ALS2: variants seen among roughly 807,000 people sequenced by gnomAD.
The protein encoded by ALS2 is alsin.
Under a neutral mutation model 203.4 loss-of-function variants are expected in ALS2, and 117 were observed. The ratio of observed to expected loss-of-function variants is 0.58; its 90% CI spans 0.50 to 0.67. The LOEUF is 0.67. Among genes scored for constraint, ALS2 ranks in the 30% least tolerant of loss-of-function variants. The pLI is 0.00. For missense variants in ALS2, 1,715 were observed against 1,989.4 expected (o/e 0.86, Z 2.62); for synonymous variants, 718 against 725.9 (o/e 0.99, Z 0.17).
At chr2:201,764,866 G>A (rs1693997841) in intron 3 of ALS2, among the ~76,000 whole-genome samples, 1 of 152,142 alleles carries the variant, frequency 6.6e-6, no homozygotes, top group East Asian at 1.9e-4. Flanking sequence ...TGGTAACTGT[G>A]ACACTTAATA....
Position 201,704,435 on chromosome 2 carries a change from A to G in ALS2, c.4838+19T>C, listed in dbSNP as rs543318613. 6.2e-7 allele frequency: 1 copy of G among 1,613,976 alleles called. No individual in the cohort carries two copies. Among genetic ancestry groups the G allele is most frequent in the East Asian group, 2.2e-5 (1 of 44,838 alleles). ...TTAAAAATAACGACTCACTAATAACAAAGTCATAAAACAGTTACCTGGCCC... is the reference window on the plus strand; with the variant it reads ...TTAAAAATAACGACTCACTAATAACGAAGTCATAAAACAGTTACCTGGCCC... On this transcript the variant is annotated intron_variant, in intron 32 of 33. Coordinates refer to ENST00000264276, the MANE Select transcript of ALS2 (RefSeq NM_020919.4).
intron 15 of ALS2, 121 bp from the exon 16 acceptor site, chr2:201,727,896 T>C: frequency 2.0e-6 from 2 of 978,654 alleles, no homozygotes; most frequent in Non-Finnish European, 3.2e-6. Context: ...CAGAACCCCT[T>C]GAAATAGTTA....
chr2:201,774,646 G>A (rs1285040626), intron 1 of ALS2, among the ~76,000 whole-genome samples: 3 of 149,294 alleles, frequency 2.0e-5, no homozygotes, highest in African/African-American at 7.3e-5. Flanking sequence ...ACTATTTTCT[G>A]GATAAAGTCT....
intron 12 of ALS2, among the ~76,000 whole-genome samples, chr2:201,736,271 C>T (rs868100710): frequency 2.2e-4 from 34 of 152,046 alleles, no homozygotes; most frequent in Admixed American, 1.0e-3. Context: ...AAAGTTACTA[C>T]ATAAGGTTAA....
chr2:201,764,588 C>A (rs758940709), intron 3 of ALS2, among the ~76,000 whole-genome samples: 2 of 151,644 alleles, frequency 1.3e-5, no homozygotes, highest in South Asian at 2.1e-4. Flanking sequence ...GAGCTGAGAT[C>A]GTGCCACCAC....
At chr2:201,754,696 G>A in intron 5 of ALS2, 25 bp from the exon 6 acceptor site, 1 of 1,613,620 alleles carries the variant, frequency 6.2e-7, no homozygotes, top group Non-Finnish European at 8.5e-7. Flanking sequence ...GACGTGGGGT[G>A]AAGGAGTGGG....
At position 201,729,191 on chromosome 2, in the gene ALS2, G is replaced by A. The variant is rs1691384178; in HGVS notation, c.2581-8C>T. 6.2e-7 allele frequency: 1 copy of A among 1,611,992 alleles called. No homozygotes were observed. Among genetic ancestry groups the A allele is most frequent in the Non-Finnish European group, 8.5e-7 (1 of 1,179,244 alleles). On this transcript the variant is annotated splice_polypyrimidine_tract_variant and splice_region_variant and intron_variant, in intron 13 of 33. Coordinates refer to ENST00000264276, the MANE Select transcript of ALS2 (RefSeq NM_020919.4). ...CTGATATTCTGGAGATGCCTACAGG[G>A]CAAAAATTAAAGAGGAAAAAAAAAA...
chr2:201,773,951 A>ACG (rs1694539780), intron 1 of ALS2, among the ~76,000 whole-genome samples: 1 of 152,226 alleles, frequency 6.6e-6, no homozygotes, highest in African/African-American at 2.4e-5. Flanking sequence ...AACACAGGTA[A>ACG]CGGCTGAGCA....
chr2:201,774,350 G>C (rs879616581), intron 1 of ALS2, among the ~76,000 whole-genome samples: 1 of 152,186 alleles, frequency 6.6e-6, no homozygotes, highest in African/African-American at 2.4e-5. Flanking sequence ...AGAGATCACA[G>C]GTACAGATAT....
rs1265843733 is a variant in ALS2, at chr2:201,724,369, A to C, written c.3438T>G (p.Ser1146=). The change falls in exon 21 of 34, where the codon TCT becomes TCG. Residue 1146 remains serine, a synonymous_variant. Transcript: ENST00000264276. The part of the protein sequence containing the change: ...GLLRSGKLTS[S]SPSMFIGQWV... ...ACTGGCCAATGAACATACTAGGAGAAGAGGACGTCAATTTCCCACTTCGTA... is the reference window on the plus strand; with the variant it reads ...ACTGGCCAATGAACATACTAGGAGACGAGGACGTCAATTTCCCACTTCGTA... 2 of 1,613,868 alleles carry C rather than the reference A, an allele frequency of 1.2e-6. No homozygotes were observed. The highest frequency in any genetic ancestry group is 2.7e-5 in the African/African-American group (2 of 74,932).
chr2:201,746,812 C>A, intron 8 of ALS2, 64 bp from the exon 9 acceptor site: 2 of 1,576,660 alleles, frequency 1.3e-6, no homozygotes, highest in Non-Finnish European at 1.7e-6. Context: ...TTCGGATCCA[C>A]AGGAACTGAA....
In ALS2 at chr2:201,761,038, G is replaced by C; in HGVS notation, c.956C>G (p.Ser319Cys). The C allele has an allele frequency of 6.2e-7, 1 of 1,614,162 alleles. No individual in the cohort carries two copies. Residue 319 changes from serine to cysteine, a missense_variant, in exon 4 of 34, where the codon TCC becomes TGC. Physicochemically the swap from Ser to Cys is moderately radical, Grantham distance 112. Coordinates refer to ENST00000264276, the MANE Select transcript of ALS2 (RefSeq NM_020919.4). ...SAQITSSDAM[S>C]SQQNVMGTTE... ...TGTTCCCATGACATTTTGTTGAGAG[G>C]ACATGGCATCGCTGCTTGTGATCTG...
At position 201,746,753 on chromosome 2, in the gene ALS2, AACGAC is replaced by A. The variant is rs1692688299; in HGVS notation, c.1816-10_1816-6del. The A allele has an allele frequency of 2.5e-6, 4 of 1,613,954 alleles. No homozygotes were observed. The highest frequency in any genetic ancestry group is 3.4e-6 in the Non-Finnish European group (4 of 1,180,006). ...GACTCCATTTTCACTGCTTATCTGC[AACGAC>A]AGAAAGATAGTGTCTGTCCAAGATA... On this transcript the variant is annotated splice_region_variant and splice_polypyrimidine_tract_variant and intron_variant, in intron 8 of 33. Transcript: ENST00000264276.
chr2:201,775,769 T>G (rs1387783684), intron 1 of ALS2, among the ~76,000 whole-genome samples: 1 of 152,084 alleles, frequency 6.6e-6, no homozygotes, highest in African/African-American at 2.4e-5. Context: ...TGACTCAGAG[T>G]AAGAGAATTC....
Position 201,725,396 on chromosome 2 carries a change from G to A in ALS2, c.3307C>T (p.His1103Tyr), listed in dbSNP as rs778406073. Residue 1103 changes from histidine (H) to tyrosine (Y), a missense_variant, in exon 20 of 34, where the codon CAT (histidine) becomes TAT (tyrosine). By Grantham distance (83) the His-to-Tyr change is moderately conservative. Coordinates refer to ENST00000264276, the MANE Select transcript of ALS2 (RefSeq NM_020919.4). ...AMNKEDHYVG[H>Y]WKEGKMCGQG... Reference sequence around the variant, plus strand: ...CCGCACATTTTTCCTTCTTTCCAATGGCCCACATAATGGTCTTCTTTGTTC... The same window carrying A: ...CCGCACATTTTTCCTTCTTTCCAATAGCCCACATAATGGTCTTCTTTGTTC... The A allele has an allele frequency of 6.2e-7, 1 of 1,613,896 alleles. No individual in the cohort carries two copies. The highest frequency in any genetic ancestry group is 8.5e-7 in the Non-Finnish European group (1 of 1,179,974).
At chr2:201,755,685 G>C (rs1460583817) in intron 5 of ALS2, among the ~76,000 whole-genome samples, 1 of 152,154 alleles carries the variant, frequency 6.6e-6, no homozygotes, top group Non-Finnish European at 1.5e-5. Context: ...ACGGGAAAAA[G>C]ATTATGAAAG....
intron 23 of ALS2, chr2:201,722,286 C>A (rs1313223825): frequency 6.6e-6 from 1 of 152,100 alleles, no homozygotes; most frequent in Non-Finnish European, 1.5e-5. Flanking sequence ...CAGGAGATAC[C>A]ACTTCATACC....
intron 20 of ALS2, among the ~76,000 whole-genome samples, chr2:201,724,929 C>T (rs917592734): frequency 4.0e-5 from 6 of 151,870 alleles, no homozygotes; most frequent in East Asian, 3.9e-4. Context: ...CTGGCTAACG[C>T]GGTGAAACCC....
At chr2:201,749,830 C>G in intron 7 of ALS2, 41 bp from the exon 8 acceptor site, 1 of 1,525,412 alleles carries the variant, frequency 6.6e-7, no homozygotes, top group Non-Finnish European at 9.1e-7. Context: ...CGTTGTGAAT[C>G]TGATTTTGCA....
Sources: allele counts gnomAD v4.1 joint callset (sites outside exome capture counted in the v4.1 genomes callset), GRCh38; gene constraint gnomAD v4.1.1; transcripts MANE v1.5; gene names NCBI Gene and HGNC (gene_info 2026-07-23, HGNC 2026-07-21).